The following DGKB variants were observed in gnomAD, a reference collection of about 807,000 sequenced individuals.
DGKB encodes the protein 90 kDa diacylglycerol kinase.
In DGKB, 67 loss-of-function variants were observed where a neutral mutation model predicts 114.3. The observed-to-expected ratio is 0.59, with a 90% CI of 0.48 to 0.72. The LOEUF is 0.72. DGKB is among the 30% of genes least tolerant of loss of function. DGKB has a pLI of 0.00. For missense variants in DGKB, 907 were observed against 975.2 expected, an observed-to-expected ratio of 0.93 and a Z score of 0.93; for synonymous variants, 398 against 323.1, an observed-to-expected ratio of 1.23 and a Z score of -2.49.
In DGKB at chr7:14,385,435, T is replaced by A. The variant is rs866238769; in HGVS notation, c.1836-40044A>T. Among the ~76,000 whole-genome samples the A allele has an allele frequency of 2.0e-5, 3 of 152,200 alleles. No homozygotes were observed. In the East Asian group the frequency reaches 5.8e-4, roughly 29 times the overall value. ...ATGTACTAGGTCAGAGGAGAAGATA[T>A]CATGGCAGAATCTTCTAAACAGTTT... On this transcript the variant is annotated intron_variant, in intron 21 of 25. Coordinates refer to ENST00000402815, the MANE Select transcript of DGKB (RefSeq NM_001350709.2).
At chr7:14,537,368 T>C (rs1792675857) in intron 20 of DGKB, among the ~76,000 whole-genome samples, 1 of 152,066 alleles carries the variant, frequency 6.6e-6, no homozygotes. Context: ...CAGAGCAATT[T>C]TGAACAAAGC....
chr7:14,334,677 G>C (rs1158397754), intron 23 of DGKB, among the ~76,000 whole-genome samples: 1 of 151,766 alleles, frequency 6.6e-6, no homozygotes, highest in East Asian at 1.9e-4. Context: ...TTTAGCTGAA[G>C]GTCTTTATAT....
chr7:14,855,538 C>T (rs1312289021), intron 1 of DGKB, among the ~76,000 whole-genome samples: 1 of 152,098 alleles, frequency 6.6e-6, no homozygotes, highest in Non-Finnish European at 1.5e-5. Flanking sequence ...CAAACACACA[C>T]CCACACACAA....
intron 21 of DGKB, among the ~76,000 whole-genome samples, chr7:14,423,723 T>TG (rs1241346688): frequency 6.6e-6 from 1 of 152,114 alleles, no homozygotes; most frequent in Admixed American, 6.6e-5. Flanking sequence ...CAATGATGAC[T>TG]GCATTAAAAT....
At chr7:14,777,749 A>G (rs1838421390) in intron 2 of DGKB, among the ~76,000 whole-genome samples, 1 of 152,182 alleles carries the variant, frequency 6.6e-6, no homozygotes, top group Non-Finnish European at 1.5e-5. Context: ...ATACATACAC[A>G]TTTAGAACAT....
intron 13 of DGKB, among the ~76,000 whole-genome samples, chr7:14,646,066 G>A (rs370570302): frequency 4.6e-5 from 7 of 152,142 alleles, no homozygotes; most frequent in African/African-American, 1.7e-4. Flanking sequence ...TTAAAAGATA[G>A]AGATTTGGCT....
intron 1 of DGKB, among the ~76,000 whole-genome samples, chr7:14,854,048 G>A (rs891615686): frequency 4.0e-5 from 6 of 151,786 alleles, no homozygotes; most frequent in Admixed American, 1.3e-4. Context: ...CATTATCTGC[G>A]GTAAGATCAA....
chr7:14,741,712 C>G (rs890454086), intron 4 of DGKB, among the ~76,000 whole-genome samples: 8 of 152,164 alleles, frequency 5.3e-5, no homozygotes, highest in Non-Finnish European at 8.8e-5. Flanking sequence ...CTTACCACCC[C>G]TTTGAAAATA....
At position 14,262,125 on chromosome 7, in the gene DGKB, A is replaced by G. The variant is rs557231664; in HGVS notation, c.2122+76390T>C. On this transcript the variant is annotated intron_variant, in intron 23 of 25. Coordinates refer to ENST00000402815, the MANE Select transcript of DGKB (RefSeq NM_001350709.2). Reference sequence around the variant, plus strand: ...GGTCCTCTGGAATATAGGAGCTTCCAAGATAATGACGTATCAGTTGAATTT... The same window carrying G: ...GGTCCTCTGGAATATAGGAGCTTCCGAGATAATGACGTATCAGTTGAATTT... 5.9e-5 allele frequency among the ~76,000 whole-genome samples: 9 copies of G among 152,320 alleles called. No individual in the cohort carries two copies. In the East Asian group the frequency reaches 1.7e-3, roughly 29 times the overall value.
intron 1 of DGKB, among the ~76,000 whole-genome samples, chr7:14,911,388 C>T (rs1033016487): frequency 2.0e-5 from 3 of 151,562 alleles, no homozygotes; most frequent in Non-Finnish European, 2.9e-5. Flanking sequence ...TTTTATTGGG[C>T]TTAGGATAAT....
In DGKB at chr7:14,450,082, T is replaced by TA. The variant is rs35728242; in HGVS notation, c.1835+28078dup. Among the ~76,000 whole-genome samples the TA allele has an allele frequency of 7.5e-3, 1,140 of 151,292 alleles. 12 individuals are homozygous for TA. Among genetic ancestry groups the TA allele is most frequent in the African/African-American group, 0.026 (1,084 of 41,348 alleles). On this transcript the variant is annotated intron_variant, in intron 21 of 25. Transcript: ENST00000402815. ...TTTTGGATAAATTGTTCCCTGGGAT[T>TA]AAAAAAAAATAAGCTATGACAAGAA...
intron 20 of DGKB, among the ~76,000 whole-genome samples, chr7:14,525,064 G>A (rs1790427448): frequency 1.3e-5 from 2 of 151,876 alleles, no homozygotes; most frequent in South Asian, 4.2e-4. Flanking sequence ...CCATCTTGTG[G>A]CATCATTGAA....
At chr7:14,796,583 TGGA>T (rs1841438422) in intron 2 of DGKB, among the ~76,000 whole-genome samples, 1 of 151,526 alleles carries the variant, frequency 6.6e-6, no homozygotes, top group African/African-American at 2.4e-5. Flanking sequence ...TACCAAGAGG[TGGA>T]AGTGGTCCAG....
intron 23 of DGKB, among the ~76,000 whole-genome samples, chr7:14,220,636 C>G (rs1562655794): frequency 1.3e-5 from 2 of 151,430 alleles, no homozygotes; most frequent in Non-Finnish European, 3.0e-5. Flanking sequence ...ATTTTAGAAT[C>G]ACCTTGTTGA....
chr7:14,356,396 C>T (rs1814523697), intron 21 of DGKB, among the ~76,000 whole-genome samples: 1 of 116,496 alleles, frequency 8.6e-6, no homozygotes, highest in African/African-American at 3.3e-5. Context: ...GAGTCTCGCT[C>T]TATTGCCCAG....
intron 20 of DGKB, among the ~76,000 whole-genome samples, chr7:14,480,874 T>G (rs1182008686): frequency 6.6e-6 from 1 of 152,120 alleles, no homozygotes; most frequent in African/African-American, 2.4e-5. Context: ...CATATTTTCA[T>G]ACATCTTATA....
intron 1 of DGKB, among the ~76,000 whole-genome samples, chr7:14,943,602 A>G (rs571543692): frequency 7.9e-5 from 12 of 151,780 alleles, no homozygotes; most frequent in African/African-American, 2.9e-4. Flanking sequence ...TTTGTTATAA[A>G]GAAATTTGAT....
At chr7:14,187,461 G>A (rs374199809) in intron 23 of DGKB, among the ~76,000 whole-genome samples, 1 of 152,312 alleles carries the variant, frequency 6.6e-6, no homozygotes, top group African/African-American at 2.4e-5. Context: ...TCCAACAGCT[G>A]GTCCAGTGAT....
At chr7:14,564,145 G>A (rs1256116726) in intron 20 of DGKB, among the ~76,000 whole-genome samples, 1 of 152,166 alleles carries the variant, frequency 6.6e-6, no homozygotes, top group Non-Finnish European at 1.5e-5. Context: ...GCTGAGCAAG[G>A]GGAAGGATCA....
Sources: allele counts gnomAD v4.1 joint callset (sites outside exome capture counted in the v4.1 genomes callset), GRCh38; gene constraint gnomAD v4.1.1; transcripts MANE v1.5; gene names NCBI Gene and HGNC (gene_info 2026-07-23, HGNC 2026-07-21).